Variants in KANK1 observed in about 807,000 individuals in gnomAD.
The protein encoded by KANK1 is KN motif and ankyrin repeat domains 1.
KANK1 carries 109 observed loss-of-function variants against 106.2 expected under a neutral mutation model. That is an observed-to-expected ratio of 1.03 (90% confidence interval 0.88 to 1.20). The LOEUF (loss-of-function observed/expected upper bound fraction) is 1.20. Among genes scored for constraint, KANK1 ranks in the 50% most tolerant of loss-of-function variants. The pLI is 0.00. For missense variants in KANK1, 2,399 were observed against 1,710.7 expected (o/e 1.40, Z -7.10); for synonymous variants, 873 against 652.2 (o/e 1.34, Z -5.16).
intron 1 of KANK1, among the ~76,000 whole-genome samples, chr9:619,475 A>T (rs889200279): frequency 6.6e-6 from 1 of 152,158 alleles, no homozygotes; most frequent in African/African-American, 2.4e-5. Flanking sequence ...TAAATTTTGA[A>T]AACATGGGAG....
At chr9:527,434 T>C (rs150618175) in intron 1 of KANK1, among the ~76,000 whole-genome samples, 1 of 151,616 alleles carries the variant, frequency 6.6e-6, no homozygotes, top group African/African-American at 2.4e-5. Flanking sequence ...CTCAAGTAGC[T>C]GGGATTACAG....
At chr9:553,903 G>A (rs986497608) in intron 1 of KANK1, among the ~76,000 whole-genome samples, 3 of 152,162 alleles carry the variant, frequency 2.0e-5, no homozygotes, top group African/African-American at 7.2e-5. Context: ...ATAATTTATA[G>A]CAGTGGTTCT....
At position 646,908 on chromosome 9, in the gene KANK1, G is replaced by C. The variant is rs574177186; in HGVS notation, c.-83-29982G>C. On this transcript the variant is annotated intron_variant, in intron 1 of 11. Transcript: ENST00000382297. ...AGACAGGGTTTCACCATGTTGGCCA[G>C]GCTGCTCTCAAACTCCTGACCTGAA... 9.2e-4 allele frequency among the ~76,000 whole-genome samples: 138 copies of C among 150,712 alleles called. 1 individual carries two copies. The highest frequency in any genetic ancestry group is 1.5e-3 in the Non-Finnish European group (103 of 68,002).
At chr9:649,012 C>T (rs1250685709) in intron 1 of KANK1, among the ~76,000 whole-genome samples, 1 of 152,168 alleles carries the variant, frequency 6.6e-6, no homozygotes, top group African/African-American at 2.4e-5. Flanking sequence ...GTGGCGATGA[C>T]ACTGAGAACA....
intron 2 of KANK1, chr9:693,529 T>C (rs1207631158): frequency 1.0e-6 from 1 of 985,336 alleles, no homozygotes; most frequent in Non-Finnish European, 1.2e-6. Flanking sequence ...CTTTGCCTCT[T>C]TTTTAAGATC....
chr9:535,445 C>T (rs1026331384), intron 1 of KANK1, among the ~76,000 whole-genome samples: 4 of 152,190 alleles, frequency 2.6e-5, no homozygotes, highest in African/African-American at 9.6e-5. Context: ...TTTTTGGTGC[C>T]TACTCTGTAC....
intron 3 of KANK1, among the ~76,000 whole-genome samples, chr9:480,597 G>A (rs1192629000): frequency 6.6e-6 from 1 of 152,252 alleles, no homozygotes; most frequent in Non-Finnish European, 1.5e-5. Context: ...AATGCAGTTA[G>A]TATGTAGCAG....
intron 1 of KANK1, among the ~76,000 whole-genome samples, chr9:564,959 CAA>C (rs1387368813): frequency 2.6e-5 from 4 of 152,142 alleles, no homozygotes; most frequent in African/African-American, 9.7e-5. Flanking sequence ...GTTCAGGTAA[CAA>C]AGAGTGTGTG....
At chr9:639,504 A>G (rs1183103289) in intron 1 of KANK1, among the ~76,000 whole-genome samples, 2 of 151,922 alleles carry the variant, frequency 1.3e-5, no homozygotes, top group Admixed American at 1.3e-4. Flanking sequence ...CTTAGTAGAG[A>G]CAGGGTTTCA....
intron 1 of KANK1, among the ~76,000 whole-genome samples, chr9:588,147 A>C (rs1389958662): frequency 3.3e-5 from 5 of 152,078 alleles, no homozygotes; most frequent in Non-Finnish European, 7.4e-5. Flanking sequence ...TCAGAACTTA[A>C]ACCAGTGAGA....
At chr9:542,449 G>A (rs1027480981) in intron 1 of KANK1, among the ~76,000 whole-genome samples, 1 of 152,240 alleles carries the variant, frequency 6.6e-6, no homozygotes, top group Non-Finnish European at 1.5e-5. Flanking sequence ...GACCCTCTTA[G>A]ACTGTTGATG....
intron 1 of KANK1, among the ~76,000 whole-genome samples, chr9:530,731 A>G (rs372809893): frequency 7.6e-4 from 116 of 152,354 alleles, no homozygotes; most frequent in African/African-American, 2.7e-3. Context: ...GCTCATGCCT[A>G]TAATCCTAGC....
intron 1 of KANK1, among the ~76,000 whole-genome samples, chr9:673,200 CTTTTTTT>C (rs542647158): frequency 8.2e-5 from 8 of 97,834 alleles, no homozygotes; most frequent in Admixed American, 1.1e-4. Flanking sequence ...ACAGTGTCTT[CTTTTTTT>C]TTTTTTTTTT....
At chr9:690,914 T>C (rs1043737820) in intron 2 of KANK1, among the ~76,000 whole-genome samples, 1 of 152,220 alleles carries the variant, frequency 6.6e-6, no homozygotes, top group Admixed American at 6.5e-5. Context: ...CTTTTCTGGC[T>C]ACTCTCCGCC....
At chr9:732,304 C>T in intron 5 of KANK1, 74 bp from the exon 6 acceptor site, 4 of 1,520,228 alleles carry the variant, frequency 2.6e-6, no homozygotes, top group Non-Finnish European at 3.5e-6. Flanking sequence ...TTAGCAAATC[C>T]CTTCATAGAA....
At chr9:556,841 G>A (rs888650363) in intron 1 of KANK1, among the ~76,000 whole-genome samples, 9 of 151,990 alleles carry the variant, frequency 5.9e-5, no homozygotes, top group Non-Finnish European at 1.2e-4. Flanking sequence ...ACTCACTTAG[G>A]GCTCATTCCT....
chr9:643,494 C>T (rs965666584), intron 1 of KANK1, among the ~76,000 whole-genome samples: 11 of 148,844 alleles, frequency 7.4e-5, no homozygotes, highest in Admixed American at 7.3e-4. Flanking sequence ...GGTTTAAAAG[C>T]AAAAGATTTT....
intron 1 of KANK1, among the ~76,000 whole-genome samples, chr9:672,592 G>A (rs1815432546): frequency 6.6e-6 from 1 of 152,020 alleles, no homozygotes; most frequent in South Asian, 2.1e-4. Flanking sequence ...TGAGATAGTG[G>A]CATTTGATAG....
chr9:582,518 C>T (rs565726011), intron 1 of KANK1, among the ~76,000 whole-genome samples: 126 of 152,322 alleles, frequency 8.3e-4, no homozygotes, highest in Middle Eastern at 3.4e-3. Context: ...TCAGAATCCT[C>T]AGTGGCTAGC....
Sources: allele counts gnomAD v4.1 joint callset (sites outside exome capture counted in the v4.1 genomes callset), GRCh38; gene constraint gnomAD v4.1.1; transcripts MANE v1.5; gene names NCBI Gene and HGNC (gene_info 2026-07-23, HGNC 2026-07-21).